The following MAL2 variants were observed in gnomAD, a reference collection of about 807,000 sequenced individuals.
MAL2 encodes mal, T cell differentiation protein 2.
A neutral mutation model predicts 18.1 loss-of-function variants in MAL2; 17 were observed. The ratio of observed to expected loss-of-function variants is 0.94; its 90% CI spans 0.64 to 1.41. MAL2 has a LOEUF of 1.41. MAL2 is among the 40% of genes most tolerant of loss of function. The pLI is 0.00. For synonymous variants in MAL2, 102 were observed against 102.3 expected (o/e 1.00, Z 0.02); for missense variants, 222 against 231.9 (o/e 0.96, Z 0.28).
rs1179836198 is a variant in MAL2, at chr8:119,208,515, G to C, written c.43G>C (p.Ala15Pro). The C allele has an allele frequency of 1.5e-5, 21 of 1,376,056 alleles. No homozygotes were observed. Among genetic ancestry groups the C allele is most frequent in the Non-Finnish European group, 2.0e-5 (21 of 1,060,774 alleles). The allele number at this position is 1,376,056 out of a possible 1,614,324, so 85.2% of individuals were successfully genotyped here. The part of the protein sequence containing the change: ...GASVPPPPNP[A>P]VSFPPPRVTL... The stretch of plus-strand genomic sequence containing the variant: ...GTCAGTCCCGCCGCCCCCGAACCCC[G>C]CCGTGTCCTTCCCGCCGCCCCGGGT... Residue 15 changes from alanine to proline, a missense_variant, in exon 1 of 4, where the codon GCC becomes CCC. Coordinates refer to ENST00000614891, the MANE Select transcript of MAL2 (RefSeq NM_052886.3). The surrounding 1 kb of genome is among the most constrained non-coding windows in gnomAD (Gnocchi z 4.3).
chr8:119,220,026 CT>C (rs1367769239), intron 1 of MAL2, among the ~76,000 whole-genome samples: 1 of 152,040 alleles, frequency 6.6e-6, no homozygotes, highest in African/African-American at 2.4e-5. Context: ...TTTTCTCCCC[CT>C]AATACAAAAT....
intron 2 of MAL2, among the ~76,000 whole-genome samples, chr8:119,228,028 G>T (rs767425469): frequency 6.6e-6 from 1 of 152,098 alleles, no homozygotes; most frequent in Non-Finnish European, 1.5e-5. Flanking sequence ...TTGGCAGAGA[G>T]ACTTCCAAGA....
chr8:119,214,510 G>A (rs1817316846), intron 1 of MAL2, among the ~76,000 whole-genome samples: 1 of 152,090 alleles, frequency 6.6e-6, no homozygotes, highest in South Asian at 2.1e-4. Context: ...TCAGGGCATT[G>A]GCACGCAGGA....
At chr8:119,243,156 A>G (rs528732199) in intron 3 of MAL2, among the ~76,000 whole-genome samples, 3 of 152,304 alleles carry the variant, frequency 2.0e-5, no homozygotes, top group African/African-American at 4.8e-5. Context: ...AGATTGAACA[A>G]ATGTTCAGTG....
At chr8:119,237,468 G>A (rs1449260133) in intron 2 of MAL2, among the ~76,000 whole-genome samples, 104 of 151,494 alleles carry the variant, frequency 6.9e-4, no homozygotes, top group Middle Eastern at 3.4e-3. Flanking sequence ...TACCAAAGCC[G>A]GGCAGAGAGA....
intron 2 of MAL2, among the ~76,000 whole-genome samples, chr8:119,234,115 G>C (rs1010272442): frequency 2.6e-5 from 4 of 152,244 alleles, no homozygotes; most frequent in Non-Finnish European, 4.4e-5. Context: ...CCGTGCGCGA[G>C]CCGAAGCAGG....
At chr8:119,223,764 G>A (rs898233919) in intron 2 of MAL2, 6 of 152,098 alleles carry the variant, frequency 3.9e-5, no homozygotes, top group Non-Finnish European at 7.3e-5. Context: ...TCCCTATTTC[G>A]AAAGGGCTTC....
intron 2 of MAL2, among the ~76,000 whole-genome samples, chr8:119,222,761 G>A (rs772660899): frequency 3.3e-5 from 5 of 150,590 alleles, no homozygotes; most frequent in African/African-American, 9.8e-5. Flanking sequence ...CCAGGAAGTC[G>A]AGGCTGCAGT....
intron 2 of MAL2, among the ~76,000 whole-genome samples, chr8:119,236,963 A>G (rs1817914812): frequency 6.6e-6 from 1 of 151,280 alleles, no homozygotes; most frequent in Non-Finnish European, 1.5e-5. Flanking sequence ...TGAAGGAAAT[A>G]GAGACACAAA....
At chr8:119,220,595 C>T (rs958671634) in intron 1 of MAL2, among the ~76,000 whole-genome samples, 4 of 152,174 alleles carry the variant, frequency 2.6e-5, no homozygotes, top group African/African-American at 9.7e-5. Flanking sequence ...AGCACCTCCT[C>T]GCTCAGTCTC....
intron 2 of MAL2, among the ~76,000 whole-genome samples, chr8:119,227,183 G>A (rs1327962645): frequency 6.6e-6 from 1 of 152,176 alleles, no homozygotes; most frequent in Non-Finnish European, 1.5e-5. Context: ...TTAATGTTAT[G>A]TTAGTAGCCA....
rs1563780502 is a variant in MAL2 at position 119,243,490 on chromosome 8, ACT to A, written c.*4_*5del. The A allele has an allele frequency of 3.1e-6, 5 of 1,589,594 alleles. No homozygotes were observed. The highest frequency in any genetic ancestry group is 4.3e-6 in the Non-Finnish European group (5 of 1,166,606). ...GCTTTACGAAGATGGCGACCGTAACACTCCTTAGAAACTGGCAGTCGTATGTT... is the reference window on the plus strand; with the variant it reads ...GCTTTACGAAGATGGCGACCGTAACACCTTAGAAACTGGCAGTCGTATGTT... On this transcript the variant is annotated 3_prime_UTR_variant, in exon 4 of 4. Coordinates refer to ENST00000614891, the MANE Select transcript of MAL2 (RefSeq NM_052886.3).
chr8:119,218,892 G>T (rs900475832), intron 1 of MAL2, among the ~76,000 whole-genome samples: 4 of 152,148 alleles, frequency 2.6e-5, no homozygotes, highest in African/African-American at 4.8e-5. Flanking sequence ...TAACTCAGAA[G>T]AGATACTTAA....
chr8:119,241,479 A>G (rs1818047193), intron 3 of MAL2, among the ~76,000 whole-genome samples: 1 of 143,228 alleles, frequency 7.0e-6, no homozygotes, highest in African/African-American at 3.0e-5. Context: ...CGACAGACCA[A>G]GACTCTGGTC....
At chr8:119,216,429 C>A (rs188182617) in intron 1 of MAL2, among the ~76,000 whole-genome samples, 180 of 152,194 alleles carry the variant, frequency 1.2e-3, no homozygotes, top group Non-Finnish European at 1.8e-3. Context: ...AATTAACTTA[C>A]CTATAAAGTA....
intron 1 of MAL2, among the ~76,000 whole-genome samples, chr8:119,213,847 C>T (rs1817303126): frequency 6.6e-6 from 1 of 152,002 alleles, no homozygotes. Flanking sequence ...AATAAATAAC[C>T]TTTAAAGTTT....
At chr8:119,214,121 C>A (rs1817307254) in intron 1 of MAL2, among the ~76,000 whole-genome samples, 1 of 152,088 alleles carries the variant, frequency 6.6e-6, no homozygotes, top group South Asian at 2.1e-4. Flanking sequence ...TAGAAATGAC[C>A]CTGTAATGAC....
At chr8:119,236,618 A>G (rs1233862674) in intron 2 of MAL2, among the ~76,000 whole-genome samples, 2 of 151,924 alleles carry the variant, frequency 1.3e-5, no homozygotes, top group Non-Finnish European at 1.5e-5. Flanking sequence ...CAATCAAACT[A>G]GAACTCAGGA....
At chr8:119,231,340 G>T (rs1817724078) in intron 2 of MAL2, among the ~76,000 whole-genome samples, 1 of 152,128 alleles carries the variant, frequency 6.6e-6, no homozygotes, top group Non-Finnish European at 1.5e-5. Flanking sequence ...CCAGATATGA[G>T]AACAATTTCT....
Sources: gnomAD v4.1 joint callset for allele counts (sites outside exome capture counted in the v4.1 genomes callset) on GRCh38, gnomAD v4.1.1 for gene constraint, Gnocchi (gnomAD v3.1) non-coding constraint, MANE v1.5 for transcripts, NCBI Gene and HGNC (gene_info 2026-07-23, HGNC 2026-07-21) for gene names.